The following BCAS1 variants were observed in gnomAD, a reference collection of about 807,000 sequenced individuals.
The protein encoded by BCAS1 is breast carcinoma-amplified sequence 1.
BCAS1 carries 46 observed loss-of-function variants against 65.4 expected under a neutral mutation model. That is an observed-to-expected ratio of 0.70 (90% CI 0.55 to 0.90). The LOEUF (loss-of-function observed/expected upper bound fraction) is 0.90. Ranked by LOEUF, BCAS1 falls within the 40% of genes least tolerant of loss-of-function variation. The probability of loss-of-function intolerance (pLI) is 0.00; values close to 1 mark genes in which losing one functional copy is unlikely to be tolerated. For missense variants in BCAS1, 793 were observed against 771.2 expected, an observed-to-expected ratio of 1.03 and a Z score of -0.33; for synonymous variants, 298 against 293.5, an observed-to-expected ratio of 1.02 and a Z score of -0.16.
intron 4 of BCAS1, among the ~76,000 whole-genome samples, chr20:54,023,114 C>T (rs1333908620): frequency 1.3e-5 from 2 of 152,186 alleles, no homozygotes; most frequent in Admixed American, 1.3e-4. Flanking sequence ...TTCACTTGGC[C>T]TTCTAATGTT....
chr20:54,006,709 C>CAA (rs762645740), intron 4 of BCAS1, among the ~76,000 whole-genome samples: 4 of 93,618 alleles, frequency 4.3e-5, no homozygotes, highest in Non-Finnish European at 7.4e-5. Context: ...GACTCCATCT[C>CAA]AAAAAAAAAA....
chr20:53,999,692 G>A (rs1030846028), intron 4 of BCAS1, among the ~76,000 whole-genome samples: 3 of 152,046 alleles, frequency 2.0e-5, no homozygotes, highest in African/African-American at 4.8e-5. Flanking sequence ...CCTGCCAGGA[G>A]CATGTGACCT....
In BCAS1 at chr20:53,994,912, CACACAT is replaced by C. The variant is rs925351050; in HGVS notation, c.927+94_927+99del. ...ATACACACACACACACACACACACA[CACACAT>C]ATATGTATTCAAAAAACAAGCAGGC... On this transcript the variant is annotated intron_variant, in intron 6 of 12. Transcript: ENST00000688948. 8.7e-5 allele frequency: 77 copies of C among 882,838 alleles called. No homozygotes were observed. In the African/African-American group the frequency reaches 9.8e-4, roughly 11 times the overall value. 54.7% of individuals were successfully genotyped at this position (882,838 alleles called of 1,614,324 possible). A position where few individuals can be genotyped will look rare whatever the true frequency, so the allele number is the denominator to read the frequency against.
intron 9 of BCAS1, among the ~76,000 whole-genome samples, 173 bp from the exon 10 acceptor site, chr20:53,967,246 G>A (rs548228701): frequency 2.0e-5 from 3 of 152,216 alleles, no homozygotes; most frequent in Non-Finnish European, 2.9e-5. Flanking sequence ...GTTGTACAAC[G>A]CACCAATTTC....
chr20:54,028,433 G>A lies in BCAS1; in HGVS notation c.682C>T (p.Pro228Ser). 1 of 1,614,192 alleles carries A rather than the reference G, an allele frequency of 6.2e-7. No individual in the cohort carries two copies. Among genetic ancestry groups the A allele is most frequent in the Non-Finnish European group, 8.5e-7 (1 of 1,180,024 alleles). The part of the protein sequence containing the change: ...AEHQDKVDEV[P>S]GLSGQSDDVP... ...TCATCGGACTGCCCTGATAAGCCAG[G>A]AACCTCATCCACCTTGTCTTGATGC... Residue 228 changes from proline to serine, a missense_variant, in exon 4 of 13, where the codon CCT becomes TCT. By Grantham distance (74) the Pro-to-Ser change is moderately conservative. Coordinates refer to ENST00000688948, the MANE Select transcript of BCAS1 (RefSeq NM_001366298.2).
chr20:54,061,722 A>T (rs1446923905), intron 1 of BCAS1, among the ~76,000 whole-genome samples: 1 of 152,228 alleles, frequency 6.6e-6, no homozygotes, highest in Non-Finnish European at 1.5e-5. Context: ...ACCACATAAT[A>T]AAGCTGAGCA....
At chr20:53,987,073 T>C (rs1355502286) in intron 7 of BCAS1, among the ~76,000 whole-genome samples, 1 of 152,200 alleles carries the variant, frequency 6.6e-6, no homozygotes, top group African/African-American at 2.4e-5. Flanking sequence ...CTGGCTCCTT[T>C]CTAGAGCTCT....
At chr20:53,990,724 T>C (rs1227666762) in intron 7 of BCAS1, among the ~76,000 whole-genome samples, 1 of 152,168 alleles carries the variant, frequency 6.6e-6, no homozygotes, top group Non-Finnish European at 1.5e-5. Context: ...AAATGAACTA[T>C]CTCAGGTGCA....
chr20:54,067,521 T>C (rs2080920960), intron 1 of BCAS1, among the ~76,000 whole-genome samples: 3 of 152,234 alleles, frequency 2.0e-5, no homozygotes, highest in Admixed American at 2.0e-4. Flanking sequence ...ATCTTATTAT[T>C]GTTATAATTG....
chr20:53,966,150 T>G (rs947312731), intron 10 of BCAS1, among the ~76,000 whole-genome samples: 4 of 152,106 alleles, frequency 2.6e-5, no homozygotes, highest in Non-Finnish European at 4.4e-5. Context: ...GGAAAATAAG[T>G]CATTATCTGA....
At chr20:54,004,821 T>C (rs2091145698) in intron 4 of BCAS1, among the ~76,000 whole-genome samples, 1 of 151,814 alleles carries the variant, frequency 6.6e-6, no homozygotes. Flanking sequence ...GCTGCCCAGG[T>C]CCAATCCCTG....
At chr20:54,057,041 C>T (rs903714258) in intron 3 of BCAS1, among the ~76,000 whole-genome samples, 16 of 152,176 alleles carry the variant, frequency 1.1e-4, no homozygotes, top group Admixed American at 2.6e-4. Context: ...TTCTTACCCT[C>T]AACTACTGGG....
chr20:54,012,325 GA>G (rs2091338898), intron 4 of BCAS1, among the ~76,000 whole-genome samples: 1 of 152,134 alleles, frequency 6.6e-6, no homozygotes, highest in African/African-American at 2.4e-5. Flanking sequence ...TTCTCTATTT[GA>G]TTGTATCATT....
At chr20:54,033,124 C>T (rs1049670444) in intron 3 of BCAS1, among the ~76,000 whole-genome samples, 4 of 150,974 alleles carry the variant, frequency 2.6e-5, no homozygotes, top group Non-Finnish European at 5.9e-5. Flanking sequence ...TACAACATAC[C>T]AGAATCTTTG....
At chr20:54,059,662 A>G (rs1284056930) in intron 1 of BCAS1, among the ~76,000 whole-genome samples, 1 of 152,230 alleles carries the variant, frequency 6.6e-6, no homozygotes, top group Non-Finnish European at 1.5e-5. Flanking sequence ...CATAGATAGT[A>G]TAGCCTACTA....
At chr20:53,981,556 T>A (rs973432400) in intron 8 of BCAS1, among the ~76,000 whole-genome samples, 15 of 151,426 alleles carry the variant, frequency 9.9e-5, no homozygotes, top group African/African-American at 3.6e-4. Context: ...TTTTTTTTTT[T>A]ACTCGATCCT....
chr20:54,050,578 G>A (rs546271164), intron 3 of BCAS1, among the ~76,000 whole-genome samples: 3 of 152,312 alleles, frequency 2.0e-5, no homozygotes, highest in Non-Finnish European at 2.9e-5. Flanking sequence ...ACAGATACAC[G>A]TCAGTGATAT....
At chr20:54,069,429 C>T (rs772613870) in intron 1 of BCAS1, among the ~76,000 whole-genome samples, 10 of 152,082 alleles carry the variant, frequency 6.6e-5, no homozygotes, top group Non-Finnish European at 1.2e-4. Context: ...GTTAACATAC[C>T]GTTTATCTCC....
chr20:54,007,035 G>C (rs1001199204), intron 4 of BCAS1, among the ~76,000 whole-genome samples: 4 of 152,158 alleles, frequency 2.6e-5, no homozygotes, highest in Non-Finnish European at 5.9e-5. Context: ...TAGACAGTAG[G>C]CAAGGTTCTC....
Sources: gnomAD v4.1 joint callset for allele counts (sites outside exome capture counted in the v4.1 genomes callset) on GRCh38, gnomAD v4.1.1 for gene constraint, MANE v1.5 for transcripts, NCBI Gene and HGNC (gene_info 2026-07-23, HGNC 2026-07-21) for gene names.